Variants in LPXN observed in about 807,000 individuals in gnomAD.
LPXN encodes leupaxin.
A neutral mutation model predicts 45.6 loss-of-function variants in LPXN; 28 were observed. The ratio of observed to expected loss-of-function variants is 0.61; its 90% CI spans 0.45 to 0.84. LPXN has a LOEUF of 0.84. LPXN is among the 40% of genes least tolerant of loss of function. LPXN has a pLI of 0.00. For missense variants in LPXN, 459 were observed against 475.0 expected, an observed-to-expected ratio of 0.97 and a Z score of 0.31; for synonymous variants, 166 against 169.9, an observed-to-expected ratio of 0.98 and a Z score of 0.18.
At chr11:58,533,474 GA>G (rs1853457896) in intron 7 of LPXN, among the ~76,000 whole-genome samples, 1 of 152,190 alleles carries the variant, frequency 6.6e-6, no homozygotes, top group Non-Finnish European at 1.5e-5. Context: ...CAAATGCTGA[GA>G]GACTTTACTA....
intron 7 of LPXN, among the ~76,000 whole-genome samples, chr11:58,537,451 A>G (rs1362708766): frequency 6.6e-6 from 1 of 152,164 alleles, no homozygotes; most frequent in Non-Finnish European, 1.5e-5. Context: ...CATAAGTGGG[A>G]GTTGAACAAT....
At chr11:58,565,192 T>C (rs1270345099) in intron 2 of LPXN, among the ~76,000 whole-genome samples, 1 of 152,166 alleles carries the variant, frequency 6.6e-6, no homozygotes, top group Non-Finnish European at 1.5e-5. Flanking sequence ...ATCCCAGTAC[T>C]TTGGGCAGCC....
At chr11:58,548,690 A>G (rs1484246124) in intron 7 of LPXN, among the ~76,000 whole-genome samples, 1 of 152,214 alleles carries the variant, frequency 6.6e-6, no homozygotes, top group Non-Finnish European at 1.5e-5. Context: ...CCACGCTTGT[A>G]TTGTCTCTAA....
At chr11:58,534,825 T>C (rs1853500511) in intron 7 of LPXN, among the ~76,000 whole-genome samples, 1 of 152,016 alleles carries the variant, frequency 6.6e-6, no homozygotes, top group Non-Finnish European at 1.5e-5. Context: ...CACAAAAAAA[T>C]GATAAAGGGG....
upstream of LPXN, chr11:58,578,218 T>C: frequency 2.5e-6 from 2 of 799,048 alleles, no homozygotes; most frequent in Non-Finnish European, 3.7e-6. Flanking sequence ...TGAGCCCGGA[T>C]GTACGGCACG....
chr11:58,575,870 T>G, upstream of LPXN: 1 of 1,611,744 alleles, frequency 6.2e-7, no homozygotes, highest in Non-Finnish European at 8.5e-7. Context: ...TGAGACAGCA[T>G]AAGGCAGCCT....
chr11:58,553,442 T>C (rs1854112033), intron 4 of LPXN, among the ~76,000 whole-genome samples: 1 of 152,046 alleles, frequency 6.6e-6, no homozygotes, highest in South Asian at 2.1e-4. Flanking sequence ...CTAATGTACA[T>C]TTTTTCTAGT....
At chr11:58,532,635 T>G (rs547631794) in intron 7 of LPXN, among the ~76,000 whole-genome samples, 1 of 152,350 alleles carries the variant, frequency 6.6e-6, no homozygotes, top group South Asian at 2.1e-4. Context: ...ATCAGCACTC[T>G]GTGTCTAGCT....
intron 7 of LPXN, among the ~76,000 whole-genome samples, chr11:58,542,442 A>G (rs1431467380): frequency 5.9e-5 from 9 of 151,866 alleles, no homozygotes; most frequent in African/African-American, 2.2e-4. Flanking sequence ...GATAATCTAC[A>G]TCAAGGTTTT....
intron 1 of LPXN, among the ~76,000 whole-genome samples, chr11:58,572,631 A>G (rs976112718): frequency 9.2e-5 from 14 of 152,096 alleles, no homozygotes; most frequent in African/African-American, 3.4e-4. Flanking sequence ...TAATTCTGTT[A>G]AGTTTTTAGG....
intron 3 of LPXN, among the ~76,000 whole-genome samples, chr11:58,555,856 A>G (rs1204303752): frequency 6.6e-6 from 1 of 152,106 alleles, no homozygotes; most frequent in Non-Finnish European, 1.5e-5. Context: ...TAAGTGTGAT[A>G]TTAAAAAGTG....
intron 7 of LPXN, among the ~76,000 whole-genome samples, chr11:58,530,106 C>T (rs750048966): frequency 2.6e-5 from 4 of 152,174 alleles, no homozygotes; most frequent in Admixed American, 6.5e-5. Flanking sequence ...CAAAACTGGG[C>T]GGCTGTATGG....
At chr11:58,566,013 T>C (rs144319697) in intron 2 of LPXN, among the ~76,000 whole-genome samples, 1 of 152,228 alleles carries the variant, frequency 6.6e-6, no homozygotes, top group African/African-American at 2.4e-5. Context: ...CAACAAAAAA[T>C]TGATTATCTG....
At chr11:58,574,889 G>GT (rs993604958) in intron 1 of LPXN, among the ~76,000 whole-genome samples, 3 of 151,908 alleles carry the variant, frequency 2.0e-5, no homozygotes, top group African/African-American at 7.3e-5. Flanking sequence ...TTTTGTTGTT[G>GT]TTTTTTGCAC....
At chr11:58,577,952 C>A (rs573761652), upstream of LPXN, 64 of 1,538,396 alleles carry the variant, frequency 4.2e-5, 1 homozygote, top group South Asian at 6.5e-4. Flanking sequence ...TCCGAGGGCC[C>A]AAGGACCCCA....
At chr11:58,527,921 T>C in intron 8 of LPXN, 122 bp downstream of exon 8, 1 of 1,234,628 alleles carries the variant, frequency 8.1e-7, no homozygotes, top group Non-Finnish European at 1.1e-6. Context: ...GTTTCTCCTT[T>C]AGGATGCGCA....
intron 7 of LPXN, among the ~76,000 whole-genome samples, chr11:58,545,460 A>C (rs1049906898): frequency 5.3e-5 from 8 of 152,234 alleles, no homozygotes; most frequent in African/African-American, 9.6e-5. Flanking sequence ...TACCAGTACA[A>C]TATAAATTTA....
At chr11:58,566,209 G>A (rs1854523850) in intron 2 of LPXN, among the ~76,000 whole-genome samples, 1 of 151,514 alleles carries the variant, frequency 6.6e-6, no homozygotes, top group Admixed American at 6.6e-5. Context: ...TTCATTTTAT[G>A]GTTAATATAT....
chr11:58,558,671 A>C (rs901662251), intron 3 of LPXN, among the ~76,000 whole-genome samples: 17 of 151,990 alleles, frequency 1.1e-4, no homozygotes, highest in African/African-American at 4.1e-4. Context: ...CTATATGAGC[A>C]ATGGGGCATT....
Sources: allele counts gnomAD v4.1 joint callset (sites outside exome capture counted in the v4.1 genomes callset), GRCh38; gene constraint gnomAD v4.1.1; transcripts MANE v1.5; gene names NCBI Gene and HGNC (gene_info 2026-07-23, HGNC 2026-07-21).